NEK1: variants seen among roughly 807,000 people sequenced by gnomAD.
NEK1 encodes the protein serine/threonine-protein kinase Nek1.
In NEK1, 137 loss-of-function variants were observed where a neutral mutation model predicts 182.1. That is an observed-to-expected ratio of 0.75 (90% CI 0.65 to 0.87). The LOEUF (loss-of-function observed/expected upper bound fraction) is 0.87, where lower values mean the gene tolerates loss of function less well. Among genes scored for constraint, NEK1 ranks in the 40% least tolerant of loss-of-function variants. The pLI, the probability that NEK1 is intolerant of heterozygous loss-of-function variation, is 0.00. For synonymous variants in NEK1, 513 were observed against 492.2 expected, an observed-to-expected ratio of 1.04 and a Z score of -0.56; for missense variants, 1,391 against 1,494.4, an observed-to-expected ratio of 0.93 and a Z score of 1.14.
At chr4:169,472,855 T>G (rs1052055727) in intron 26 of NEK1, among the ~76,000 whole-genome samples, 2 of 152,172 alleles carry the variant, frequency 1.3e-5, no homozygotes, top group African/African-American at 2.4e-5. Context: ...ATCAAAATGT[T>G]TATATTCTAA....
chr4:169,409,802 C>T (rs888864842), intron 31 of NEK1, among the ~76,000 whole-genome samples: 2 of 152,028 alleles, frequency 1.3e-5, no homozygotes, highest in African/African-American at 2.4e-5. Flanking sequence ...AAATTACGGC[C>T]GTTCTTGCAG....
At position 169,576,949 on chromosome 4, in the gene NEK1, T is replaced by C; in HGVS notation, c.999A>G (p.Lys333=). The C allele has an allele frequency of 6.2e-7, 1 of 1,608,300 alleles. No homozygotes were observed. Among genetic ancestry groups the C allele is most frequent in the Non-Finnish European group, 8.5e-7 (1 of 1,177,176 alleles). Residue 333 remains lysine (K), a synonymous_variant, in exon 12 of 36, where the codon AAA becomes AAG. Transcript: ENST00000507142. ...KYGDKKLHEK[K]PLQKHKQAHQ... The stretch of plus-strand genomic sequence containing the variant: ...ATACCTGTTTATGTTTTTGCAGTGG[T>C]TTCTTTTCGTGTAATTTTTTATCTC...
intron 29 of NEK1, among the ~76,000 whole-genome samples, chr4:169,428,351 G>GATATATATAT (rs60550267): frequency 0.029 from 2,707 of 93,118 alleles, 156 homozygotes; most frequent in African/African-American, 0.065. Context: ...AAATATATGG[G>GATATATATAT]ATATATATAT....
In NEK1 at chr4:169,394,090, GA is replaced by G; in HGVS notation, c.*419del. On this transcript the variant is annotated 3_prime_UTR_variant, in exon 36 of 36. Transcript: ENST00000507142. ...CCAGAATGAAAACAAGTACTAGACA[GA>G]AAAAAGATCATGCTTAAAGACTCCA... 6.3e-6 allele frequency: 1 copy of G among 158,438 alleles called. No homozygotes were observed. The highest frequency in any genetic ancestry group is 1.9e-4 in the East Asian group (1 of 5,318). The allele number at this position is 158,438 out of a possible 1,614,324, so 9.8% of individuals were successfully genotyped here. A position where few individuals can be genotyped will look rare whatever the true frequency, so the allele number is the denominator to read the frequency against.
At chr4:169,505,404 A>C (rs983261734) in intron 23 of NEK1, among the ~76,000 whole-genome samples, 4 of 152,034 alleles carry the variant, frequency 2.6e-5, no homozygotes, top group African/African-American at 9.7e-5. Flanking sequence ...AAAATAGTAA[A>C]TATATTTTCT....
chr4:169,401,034 C>G (rs992485624), intron 33 of NEK1, among the ~76,000 whole-genome samples: 2 of 152,032 alleles, frequency 1.3e-5, no homozygotes, highest in African/African-American at 4.8e-5. Flanking sequence ...GAAAAGCCTG[C>G]AAAAGGTAGA....
In NEK1 at chr4:169,513,875, T is replaced by C. The variant is rs79865615; in HGVS notation, c.1666-5023A>G. 8.5e-3 allele frequency among the ~76,000 whole-genome samples: 1,297 copies of C among 152,300 alleles called. 20 individuals are homozygous for C. Among genetic ancestry groups the C allele is most frequent in the African/African-American group, 0.029 (1,217 of 41,554 alleles). ...TGTTGATATGGTGAATCACATTGATTTTTTAATACTGTAAAATACTTGTAC... is the reference window on the plus strand; with the variant it reads ...TGTTGATATGGTGAATCACATTGATCTTTTAATACTGTAAAATACTTGTAC... On this transcript the variant is annotated intron_variant, in intron 19 of 35. Coordinates refer to ENST00000507142, the MANE Select transcript of NEK1 (RefSeq NM_001199397.3).
At chr4:169,483,733 G>C (rs2149577099) in intron 23 of NEK1, among the ~76,000 whole-genome samples, 1 of 152,016 alleles carries the variant, frequency 6.6e-6, no homozygotes, top group East Asian at 1.9e-4. Context: ...GGGCATGGTG[G>C]TGTACACCTG....
chr4:169,610,887 A>C (rs1422520487), intron 2 of NEK1, among the ~76,000 whole-genome samples: 1 of 152,250 alleles, frequency 6.6e-6, no homozygotes, highest in Non-Finnish European at 1.5e-5. Context: ...AGTTCTGCCT[A>C]AGCAATAAAT....
intron 23 of NEK1, among the ~76,000 whole-genome samples, chr4:169,480,628 C>T (rs769555975): frequency 2.0e-5 from 3 of 151,772 alleles, no homozygotes; most frequent in Non-Finnish European, 2.9e-5. Context: ...AGGGTGGTGA[C>T]TCCTGGATGT....
chr4:169,444,816 A>G (rs911736618), intron 27 of NEK1, among the ~76,000 whole-genome samples: 1 of 152,204 alleles, frequency 6.6e-6, no homozygotes, highest in Non-Finnish European at 1.5e-5. Context: ...TCATCAGCAC[A>G]TGCAACATTC....
chr4:169,416,218 A>C (rs950066559), intron 31 of NEK1, among the ~76,000 whole-genome samples: 1 of 152,164 alleles, frequency 6.6e-6, no homozygotes, highest in Non-Finnish European at 1.5e-5. Flanking sequence ...TTTTGCTTTA[A>C]ATGTTCTCAT....
At chr4:169,413,593 C>T (rs1465250262) in intron 31 of NEK1, among the ~76,000 whole-genome samples, 1 of 152,126 alleles carries the variant, frequency 6.6e-6, no homozygotes, top group Non-Finnish European at 1.5e-5. Flanking sequence ...GACCTTTAAT[C>T]AGTCTTTGTC....
At chr4:169,479,684 T>C (rs1240393104) in intron 23 of NEK1, 150 bp from the exon 24 acceptor site, 2 of 647,252 alleles carry the variant, frequency 3.1e-6, no homozygotes, top group Non-Finnish European at 5.2e-6. Context: ...ATTATGATGC[T>C]ACATGCTGGG....
At chr4:169,400,148 A>T (rs1052633247) in intron 35 of NEK1, 77 bp downstream of exon 35, 1 of 1,361,468 alleles carries the variant, frequency 7.3e-7, no homozygotes, top group Admixed American at 2.0e-5. Context: ...ATGTGATGTA[A>T]GCTGATTCAT....
At chr4:169,421,758 C>G (rs1735522436) in intron 31 of NEK1, among the ~76,000 whole-genome samples, 1 of 152,170 alleles carries the variant, frequency 6.6e-6, no homozygotes, top group Admixed American at 6.5e-5. Context: ...TACTCAGTCT[C>G]AGGTACTTCT....
At chr4:169,445,887 T>C (rs1289393671) in intron 27 of NEK1, among the ~76,000 whole-genome samples, 191 of 134,182 alleles carry the variant, frequency 1.4e-3, no homozygotes, top group East Asian at 6.0e-3. Flanking sequence ...CACACACACA[T>C]GCACAAAATG....
At chr4:169,457,168 A>G (rs780269495) in intron 27 of NEK1, among the ~76,000 whole-genome samples, 14 of 148,122 alleles carry the variant, frequency 9.5e-5, no homozygotes, top group Admixed American at 2.7e-4. Context: ...GACTAGAGTT[A>G]AGTCAAGAAT....
chr4:169,477,145 T>C lies in NEK1; in HGVS notation c.2413A>G (p.Thr805Ala), dbSNP rs1747102943. The C allele has an allele frequency of 6.2e-7, 1 of 1,602,068 alleles. No individual in the cohort carries two copies. Among genetic ancestry groups the C allele is most frequent in the South Asian group, 1.1e-5 (1 of 89,026 alleles). Residue 805 changes from threonine (T) to alanine (A), a missense_variant, in exon 26 of 36, where the codon ACA becomes GCA. Physicochemically the swap from Thr to Ala is moderately conservative, Grantham distance 58 (BLOSUM62 0). Around this residue, in one of 5 missense-constraint regions of NEK1, gnomAD observed 1,216 missense variants for 1,277.6 expected, o/e 0.95. Coordinates refer to ENST00000507142, the MANE Select transcript of NEK1 (RefSeq NM_001199397.3). ...VIPLDELTLD[T>A]SFSTTERHTV... ...ATACTTTCAGTTGTAGAGAAGGATG[T>C]ATCTAGTGTTAACTCATCCAGAGGA...
Sources: allele counts gnomAD v4.1 joint callset (sites outside exome capture counted in the v4.1 genomes callset), GRCh38; gene constraint gnomAD v4.1.1; regional missense constraint gnomAD v4.1.1; transcripts MANE v1.5; gene names NCBI Gene and HGNC (gene_info 2026-07-23, HGNC 2026-07-21).